CDK14: variants seen among roughly 807,000 people sequenced by gnomAD.
CDK14 encodes cyclin-dependent kinase 14.
In CDK14, 34 loss-of-function variants were observed where a neutral mutation model predicts 60.7. That is an observed-to-expected ratio of 0.56 (90% CI 0.43 to 0.75). CDK14 has a LOEUF of 0.75. CDK14 is among the 30% of genes least tolerant of loss of function. The pLI is 0.00. For synonymous variants in CDK14, 197 were observed against 203.7 expected (o/e 0.97, Z 0.28); for missense variants, 482 against 564.1 (o/e 0.85, Z 1.47).
intron 2 of CDK14, among the ~76,000 whole-genome samples, chr7:90,682,232 T>TGTATGGAA: frequency 6.6e-6 from 1 of 152,092 alleles, no homozygotes; most frequent in Non-Finnish European, 1.5e-5. Context: ...CCTAGAAAAA[T>TGTATGGAA]CTTTAAGGGA....
intron 2 of CDK14, among the ~76,000 whole-genome samples, chr7:90,639,085 T>C (rs1160268861): frequency 6.6e-6 from 1 of 152,232 alleles, no homozygotes; most frequent in African/African-American, 2.4e-5. Context: ...AATTTCCTCC[T>C]GTAGCTCGGA....
At chr7:90,645,425 T>C (rs1046275883) in intron 2 of CDK14, among the ~76,000 whole-genome samples, 20 of 152,140 alleles carry the variant, frequency 1.3e-4, no homozygotes, top group African/African-American at 4.1e-4. Context: ...TCCTTTTTTT[T>C]CCCCCGTAAC....
chr7:90,601,996 A>G (rs777539543), intron 1 of CDK14, among the ~76,000 whole-genome samples: 2 of 151,764 alleles, frequency 1.3e-5, no homozygotes, highest in Non-Finnish European at 2.9e-5. Context: ...TTGTAGAGAC[A>G]GGGATTCCCC....
intron 5 of CDK14, among the ~76,000 whole-genome samples, chr7:90,800,651 T>A (rs181998607): frequency 2.0e-5 from 3 of 152,296 alleles, no homozygotes; most frequent in Admixed American, 2.0e-4. Flanking sequence ...TGAGTTATAA[T>A]TCAATTGATA....
chr7:90,906,730 C>T (rs1334676133), intron 7 of CDK14, among the ~76,000 whole-genome samples: 1 of 151,766 alleles, frequency 6.6e-6, no homozygotes, highest in Non-Finnish European at 1.5e-5. Flanking sequence ...TCAGGCATTA[C>T]AATGGTAATG....
intron 5 of CDK14, among the ~76,000 whole-genome samples, chr7:90,848,105 C>CT (rs1033980761): frequency 1.4e-4 from 21 of 150,276 alleles, no homozygotes; most frequent in African/African-American, 4.6e-4. Flanking sequence ...AGCATGTTTT[C>CT]TTTTTTTTTC....
intron 6 of CDK14, among the ~76,000 whole-genome samples, chr7:90,876,522 G>T (rs139931594): frequency 7.6e-4 from 115 of 152,274 alleles, no homozygotes; most frequent in African/African-American, 2.6e-3. Flanking sequence ...CCACTTCCTG[G>T]TGCCACCAAT....
intron 1 of CDK14, among the ~76,000 whole-genome samples, chr7:90,596,940 C>G (rs752685535): frequency 2.0e-5 from 3 of 152,104 alleles, no homozygotes; most frequent in Admixed American, 6.5e-5. Context: ...TAGATTCTCT[C>G]AAGCCTACAA....
chr7:91,026,028 T>C (rs951080390), intron 10 of CDK14, among the ~76,000 whole-genome samples: 1 of 152,088 alleles, frequency 6.6e-6, no homozygotes, highest in Non-Finnish European at 1.5e-5. Flanking sequence ...AAGTTACCTT[T>C]TTTTTTTTAG....
intron 5 of CDK14, among the ~76,000 whole-genome samples, chr7:90,815,141 T>C (rs756883217): frequency 2.6e-5 from 4 of 152,220 alleles, no homozygotes; most frequent in Non-Finnish European, 4.4e-5. Flanking sequence ...AATTATAAAC[T>C]ATTGCCAACT....
At chr7:90,750,084 A>G (rs1280253473) in intron 4 of CDK14, among the ~76,000 whole-genome samples, 1 of 152,060 alleles carries the variant, frequency 6.6e-6, no homozygotes, top group East Asian at 1.9e-4. Flanking sequence ...AAGCAAAGCC[A>G]AAAGATCCTA....
chr7:91,097,593 G>GA (rs59233309), intron 12 of CDK14, among the ~76,000 whole-genome samples: 79,512 of 148,032 alleles, frequency 0.54, 22,427 homozygotes, highest in East Asian at 0.83. Context: ...TTCATAATGA[G>GA]AAAAAAAAAA....
intron 2 of CDK14, among the ~76,000 whole-genome samples, chr7:90,713,719 C>T (rs34215159): frequency 0.16 from 23,982 of 149,904 alleles, 2,011 homozygotes; most frequent in South Asian, 0.18. Flanking sequence ...TTACTTCTCT[C>T]ATGATGTAAG....
chr7:90,648,316 G>A (rs1376133248), intron 2 of CDK14, among the ~76,000 whole-genome samples: 1 of 152,158 alleles, frequency 6.6e-6, no homozygotes, highest in East Asian at 1.9e-4. Flanking sequence ...AGGGTTGCCT[G>A]AGTGTCTTCA....
At chr7:90,633,984 T>C (rs1426685395) in intron 2 of CDK14, among the ~76,000 whole-genome samples, 1 of 152,172 alleles carries the variant, frequency 6.6e-6, no homozygotes, top group Non-Finnish European at 1.5e-5. Context: ...CGTGTCTTTT[T>C]TGGACTAGTA....
chr7:91,088,042 A>G (rs1386219236), intron 12 of CDK14, among the ~76,000 whole-genome samples: 1 of 152,222 alleles, frequency 6.6e-6, no homozygotes, highest in East Asian at 1.9e-4. Context: ...CTTTTCTTGT[A>G]ATATAACCTG....
At chr7:90,724,466 G>A (rs147827695) in intron 2 of CDK14, among the ~76,000 whole-genome samples, 1 of 149,448 alleles carries the variant, frequency 6.7e-6, no homozygotes, top group African/African-American at 2.4e-5. Flanking sequence ...TTCTTATCTT[G>A]GTTTTTATTT....
At chr7:90,856,476 T>C (rs1413635440) in intron 5 of CDK14, among the ~76,000 whole-genome samples, 1 of 151,464 alleles carries the variant, frequency 6.6e-6, no homozygotes, top group African/African-American at 2.5e-5. Context: ...ACAGTGTTTA[T>C]CATTGCTCTT....
intron 14 of CDK14, among the ~76,000 whole-genome samples, chr7:91,130,589 T>A (rs185200606): frequency 6.6e-6 from 1 of 152,306 alleles, no homozygotes; most frequent in Non-Finnish European, 1.5e-5. Flanking sequence ...AGCACAAATT[T>A]TTTTTTGCTA....
Sources: allele counts gnomAD v4.1 joint callset (sites outside exome capture counted in the v4.1 genomes callset), GRCh38; gene constraint gnomAD v4.1.1; transcripts MANE v1.5; gene names NCBI Gene and HGNC (gene_info 2026-07-23, HGNC 2026-07-21).